PVALEF: variants seen among roughly 807,000 people sequenced by gnomAD.
PVALEF encodes the protein parvalbumin-like EF-hand-containing protein.
In PVALEF, 2 loss-of-function variants were observed where a neutral mutation model predicts 1.2. The observed-to-expected ratio is 1.68, with a 90% CI of 0.69 to 5.28. The LOEUF is 5.28. Among genes scored for constraint, PVALEF ranks in the 30% most tolerant of loss-of-function variants. The pLI, the probability that PVALEF is intolerant of heterozygous loss-of-function variation, is 0.06. For synonymous variants in PVALEF, 16 were observed against 6.5 expected (o/e 2.47, Z -2.24); for missense variants, 35 against 17.7 (o/e 1.97, Z -1.75).
chr17:81,176,713 CACTT>C (rs930808520), intron 2 of PVALEF, among the ~76,000 whole-genome samples: 4 of 152,012 alleles, frequency 2.6e-5, no homozygotes, highest in African/African-American at 9.7e-5. Flanking sequence ...GCTCCTCAAA[CACTT>C]AAATCAGAAT....
intron 2 of PVALEF, among the ~76,000 whole-genome samples, chr17:81,174,124 C>CAGA (rs2061529161): frequency 6.6e-6 from 1 of 152,108 alleles, no homozygotes; most frequent in Admixed American, 6.5e-5. Context: ...AAGCTATGAA[C>CAGA]AGAAGGAAAC....
At chr17:81,169,471 G>A (rs1042323056) in intron 2 of PVALEF, among the ~76,000 whole-genome samples, 1 of 152,166 alleles carries the variant, frequency 6.6e-6, no homozygotes, top group African/African-American at 2.4e-5. Context: ...GGTGGCAGGC[G>A]CCTGTAATCC....
At chr17:81,168,719 G>C (rs9911980) in intron 2 of PVALEF, among the ~76,000 whole-genome samples, 44,792 of 151,988 alleles carry the variant, frequency 0.29, 6,831 homozygotes, top group Non-Finnish European at 0.33. Context: ...ATTGCCCGTC[G>C]AAGAGGAAAA....
At chr17:81,165,970 G>A in intron 1 of PVALEF, 3 of 1,586,236 alleles carry the variant, frequency 1.9e-6, no homozygotes, top group Non-Finnish European at 2.6e-6. Flanking sequence ...GGCGAAGCTG[G>A]GGTTGAAGAA....
intron 3 of PVALEF, among the ~76,000 whole-genome samples, chr17:81,180,632 C>T (rs2061550588): frequency 6.6e-6 from 1 of 152,098 alleles, no homozygotes; most frequent in Non-Finnish European, 1.5e-5. Context: ...GCTGGAGGCA[C>T]CGAGGGTTGG....
chr17:81,178,731 G>A (rs995800565), intron 2 of PVALEF, among the ~76,000 whole-genome samples, 187 bp from the exon 3 acceptor site: 3 of 152,118 alleles, frequency 2.0e-5, no homozygotes, highest in Admixed American at 6.5e-5. Flanking sequence ...CCCACCGCCC[G>A]CAGCCCCTCC....
rs768201735 is a variant in PVALEF, at chr17:81,166,683, AGGC to A, written c.-497_-495del. 3.5e-5 allele frequency: 16 copies of A among 453,530 alleles called. No homozygotes were observed. The highest frequency in any genetic ancestry group is 2.5e-4 in the South Asian group (16 of 64,432). 28.1% of individuals were successfully genotyped at this position (453,530 alleles called of 1,614,324 possible). ...GCCCTCGCCTCACTTGCAGGTTTCG[AGGC>A]GGCTGGCAGCCGCCCCCCCACCCCA... On this transcript the variant is annotated 5_prime_UTR_variant, in exon 2 of 7. Coordinates refer to ENST00000637878, the MANE Select transcript of PVALEF (RefSeq NM_001354639.2).
At chr17:81,169,855 TGC>T (rs1377655030) in intron 2 of PVALEF, among the ~76,000 whole-genome samples, 2 of 150,768 alleles carry the variant, frequency 1.3e-5, no homozygotes, top group Non-Finnish European at 3.0e-5. Flanking sequence ...TATGTGTGTG[TGC>T]ATGTTCAGTT....
intron 6 of PVALEF, among the ~76,000 whole-genome samples, chr17:81,182,721 G>T (rs1322629154): frequency 6.6e-6 from 1 of 152,234 alleles, no homozygotes; most frequent in African/African-American, 2.4e-5. Flanking sequence ...CAAGCCCCCA[G>T]TCCCCAGCTG....
intron 2 of PVALEF, among the ~76,000 whole-genome samples, chr17:81,171,226 C>T (rs1024789226): frequency 1.3e-5 from 2 of 152,176 alleles, no homozygotes; most frequent in South Asian, 2.1e-4. Flanking sequence ...CCAGGAGGGG[C>T]GGCTCTGAAC....
At chr17:81,176,247 G>A (rs1178026107) in intron 2 of PVALEF, among the ~76,000 whole-genome samples, 5 of 152,206 alleles carry the variant, frequency 3.3e-5, no homozygotes, top group Non-Finnish European at 5.9e-5. Flanking sequence ...GGCCGGGCAC[G>A]GTGGCTCATG....
Position 81,166,683 on chromosome 17 carries a change from A to G in PVALEF, c.-501A>G. ...GCCCTCGCCTCACTTGCAGGTTTCG[A>G]GGCGGCTGGCAGCCGCCCCCCCACC... On this transcript the variant is annotated 5_prime_UTR_variant, in exon 2 of 7. Transcript: ENST00000637878. 2.2e-6 allele frequency: 1 copy of G among 453,648 alleles called. No homozygotes were observed. Among genetic ancestry groups the G allele is most frequent in the Admixed American group, 2.4e-5 (1 of 42,530 alleles). 28.1% of individuals were successfully genotyped at this position (453,648 alleles called of 1,614,324 possible). A position where few individuals can be genotyped will look rare whatever the true frequency, so the allele number is the denominator to read the frequency against.
In PVALEF at chr17:81,165,672, C is replaced by T; in HGVS notation, c.-583C>T. ...CAGGGGCCCACGCAGGCCCTCCGTG[C>T]CCCAGTTACCTGTGCCCTGGAGGCA... On this transcript the variant is annotated 5_prime_UTR_variant, in exon 1 of 7. Coordinates refer to ENST00000637878, the MANE Select transcript of PVALEF (RefSeq NM_001354639.2). The T allele has an allele frequency of 6.6e-7, 1 of 1,508,972 alleles. No homozygotes were observed. The highest frequency in any genetic ancestry group is 8.9e-7 in the Non-Finnish European group (1 of 1,129,692). 93.5% of individuals were successfully genotyped at this position (1,508,972 alleles called of 1,614,324 possible).
intron 2 of PVALEF, among the ~76,000 whole-genome samples, chr17:81,170,688 G>A (rs2061517753): frequency 6.6e-6 from 1 of 152,162 alleles, no homozygotes; most frequent in Non-Finnish European, 1.5e-5. Flanking sequence ...GTTTCTGCAA[G>A]TGTAGCTGCC....
chr17:81,166,913 C>A, intron 2 of PVALEF, 69 bp downstream of exon 2: 1 of 331,152 alleles, frequency 3.0e-6, no homozygotes, highest in Non-Finnish European at 6.1e-6. Context: ...TCCCAGGATC[C>A]CCCATCCCCG....
chr17:81,178,762 A>C (rs2061543734), intron 2 of PVALEF, among the ~76,000 whole-genome samples, 156 bp from the exon 3 acceptor site: 3 of 152,168 alleles, frequency 2.0e-5, no homozygotes, highest in African/African-American at 7.2e-5. Context: ...AACCCGCTGC[A>C]CTGGAGGCCC....
At chr17:81,174,329 T>C (rs1271907177) in intron 2 of PVALEF, among the ~76,000 whole-genome samples, 2 of 152,126 alleles carry the variant, frequency 1.3e-5, no homozygotes, top group African/African-American at 2.4e-5. Flanking sequence ...GGTATTCACA[T>C]TGGAAAGGAA....
intron 2 of PVALEF, among the ~76,000 whole-genome samples, chr17:81,175,092 T>C (rs1010624669): frequency 6.6e-6 from 1 of 152,196 alleles, no homozygotes; most frequent in Non-Finnish European, 1.5e-5. Context: ...CAAGTATCAG[T>C]TGCATTTCTA....
intron 2 of PVALEF, among the ~76,000 whole-genome samples, chr17:81,169,833 T>C (rs2061512471): frequency 6.9e-6 from 1 of 144,576 alleles, no homozygotes; most frequent in Non-Finnish European, 1.6e-5. Flanking sequence ...TGTGTGTCTG[T>C]CTTGGTAGGT....
Sources: allele counts gnomAD v4.1 joint callset (sites outside exome capture counted in the v4.1 genomes callset), GRCh38; gene constraint gnomAD v4.1.1; transcripts MANE v1.5; gene names NCBI Gene and HGNC (gene_info 2026-07-23, HGNC 2026-07-21).